The following MARK2 variants were observed in gnomAD, a reference collection of about 807,000 sequenced individuals.
The protein encoded by MARK2 is serine/threonine-protein kinase MARK2.
In MARK2, 16 loss-of-function variants were observed where a neutral mutation model predicts 89.8. The ratio of observed to expected loss-of-function variants is 0.18; its 90% CI spans 0.12 to 0.27. MARK2 has a LOEUF of 0.27. MARK2 is among the 10% of genes least tolerant of loss of function. The pLI is 1.00. For synonymous variants in MARK2, 382 were observed against 399.5 expected (o/e 0.96, Z 0.52); for missense variants, 621 against 1,049.9 (o/e 0.59, Z 5.65).
chr11:63,871,230 G>A (rs1938428126), intron 1 of MARK2, among the ~76,000 whole-genome samples: 2 of 152,324 alleles, frequency 1.3e-5, no homozygotes, highest in Middle Eastern at 3.4e-3. Context: ...TGAGATGAGT[G>A]TTGGTGCTCC....
chr11:63,859,660 C>T (rs1321865303), intron 1 of MARK2, among the ~76,000 whole-genome samples: 1 of 151,614 alleles, frequency 6.6e-6, no homozygotes, highest in Non-Finnish European at 1.5e-5. Context: ...GAGACAGAGT[C>T]CCACTCTGTC....
At chr11:63,840,731 A>C (rs3850943) in intron 1 of MARK2, among the ~76,000 whole-genome samples, 89,625 of 151,968 alleles carry the variant, frequency 0.59, 27,502 homozygotes, top group East Asian at 0.89. Context: ...GTGTATCCCC[A>C]CACCGTGCTT....
intron 1 of MARK2, among the ~76,000 whole-genome samples, chr11:63,883,273 A>G (rs1298171862): frequency 6.6e-6 from 1 of 152,186 alleles, no homozygotes; most frequent in Non-Finnish European, 1.5e-5. Context: ...GCACCATGTC[A>G]TTCAGCTACT....
In MARK2 at chr11:63,900,120, A is replaced by C; in HGVS notation, c.768+10A>C. Reference sequence around the variant, plus strand: ...TGGACAGAACCTCAAGGTGGAGTGAAGTGCAAGCTTTTTATTGCTTCTCAT... The same window carrying C: ...TGGACAGAACCTCAAGGTGGAGTGACGTGCAAGCTTTTTATTGCTTCTCAT... On this transcript the variant is annotated intron_variant, in intron 8 of 18. Transcript: ENST00000402010. The surrounding 1 kb of genome is among the most constrained non-coding windows in gnomAD (Gnocchi z 4.7). The C allele has an allele frequency of 6.3e-7, 1 of 1,588,970 alleles. No homozygotes were observed. The highest frequency in any genetic ancestry group is 8.6e-7 in the Non-Finnish European group (1 of 1,157,166).
Position 63,898,840 on chromosome 11 carries a change from G to A in MARK2, c.474+7G>A. The A allele has an allele frequency of 6.2e-7, 1 of 1,612,766 alleles. No homozygotes were observed. On this transcript the variant is annotated splice_region_variant and intron_variant, in intron 6 of 18. Transcript: ENST00000402010. ...TCGAGCCAAATTCCGCCAGGTAGGT[G>A]TGACTCCCTCCATAGGAGCTAGGCC... is the stretch of plus-strand genomic sequence containing the variant.
Position 63,890,137 on chromosome 11 carries a change from T to C in MARK2, c.55-5022T>C. 9 of 814,946 alleles carry C rather than the reference T, an allele frequency of 1.1e-5. No homozygotes were observed. The South Asian group carries it at 1.2e-4, about 11-fold the overall frequency. 50.5% of individuals were successfully genotyped at this position (814,946 alleles called of 1,614,324 possible). A position where few individuals can be genotyped will look rare whatever the true frequency, so the allele number is the denominator to read the frequency against. ...GAAGAAGCTAGGTGAGGAAGTTGCC[T>C]CACTTGGGGCCTTGGCCCAAGAAGC... On this transcript the variant is annotated intron_variant, in intron 1 of 18. Coordinates refer to ENST00000402010, the MANE Select transcript of MARK2 (RefSeq NM_001039469.3).
rs765006780 is a variant in MARK2, at chr11:63,904,761, CT to C, written c.1677-24del. 1.4e-4 allele frequency: 227 copies of C among 1,609,260 alleles called. No homozygotes were observed. The Middle Eastern group carries it at 1.5e-3, about 10-fold the overall frequency. ...CTGTCCTGTACCCTAATTCGTCCCC[CT>C]CAACCCCACTTCTCTTCCCACAGCA... On this transcript the variant is annotated intron_variant, in intron 15 of 18. Coordinates refer to ENST00000402010, the MANE Select transcript of MARK2 (RefSeq NM_001039469.3). This position sits in a 1 kb window ranked among gnomAD's most constrained non-coding sequence, Gnocchi z 6.3.
intron 17 of MARK2, among the ~76,000 whole-genome samples, chr11:63,906,449 T>C (rs1941341172): frequency 1.3e-5 from 2 of 152,048 alleles, no homozygotes; most frequent in African/African-American, 4.8e-5. Flanking sequence ...CAGGGAAGCC[T>C]CCCTTTAAGA....
At chr11:63,908,227 A>G (rs1941504716) in intron 17 of MARK2, 33 bp from the exon 18 acceptor site, 2 of 1,546,724 alleles carry the variant, frequency 1.3e-6, no homozygotes, top group African/African-American at 1.4e-5. Flanking sequence ...GAGAGATCCC[A>G]GCACTAAACT....
chr11:63,855,417 A>G (rs767430827), intron 1 of MARK2, among the ~76,000 whole-genome samples: 2 of 136,574 alleles, frequency 1.5e-5, no homozygotes, highest in South Asian at 2.5e-4. Flanking sequence ...CTAACCACTC[A>G]GGAGGCTGAG....
intron 1 of MARK2, among the ~76,000 whole-genome samples, chr11:63,842,538 A>T (rs2016073026): frequency 6.6e-6 from 1 of 152,112 alleles, no homozygotes; most frequent in Non-Finnish European, 1.5e-5. Context: ...GGGAAAAAAG[A>T]CAAGCAGCAG....
intron 1 of MARK2, among the ~76,000 whole-genome samples, chr11:63,865,051 G>A (rs1177241534): frequency 6.6e-6 from 1 of 151,504 alleles, no homozygotes; most frequent in Non-Finnish European, 1.5e-5. Context: ...CACTATGCCT[G>A]GCTAATTTTT....
chr11:63,900,851 C>T lies in MARK2; in HGVS notation c.960C>T (p.Leu320=), dbSNP rs747472264. The T allele has an allele frequency of 6.2e-7, 1 of 1,614,154 alleles. No homozygotes were observed. Among genetic ancestry groups the T allele is most frequent in the African/African-American group, 1.3e-5 (1 of 75,034 alleles). The stretch of plus-strand genomic sequence containing the variant: ...AACTAAAGCCTTACGTGGAGCCACT[C>T]CCTGACTACAAGGACCCCCGGCGGA... ...DDELKPYVEP[L]PDYKDPRRTE... is the part of the protein sequence containing the mutation. The change falls in exon 10 of 19, where the codon CTC becomes CTT. Residue 320 remains leucine, a synonymous_variant. Coordinates refer to ENST00000402010, the MANE Select transcript of MARK2 (RefSeq NM_001039469.3). The surrounding 1 kb of genome is among the most constrained non-coding windows in gnomAD (Gnocchi z 4.7).
chr11:63,902,585 C>T lies in MARK2; in HGVS notation c.1235-16C>T, dbSNP rs760987474. On this transcript the variant is annotated splice_polypyrimidine_tract_variant and intron_variant, in intron 12 of 18. Transcript: ENST00000402010. This position sits in a 1 kb window ranked among gnomAD's most constrained non-coding sequence, Gnocchi z 4.2. ...ACCCCTTGGCCTTACCCATTCCCAT[C>T]CTCCCTCTGGCCCAGCAGCTGGTCC... The T allele has an allele frequency of 8.7e-6, 14 of 1,610,898 alleles. No homozygotes were observed. The highest frequency in any genetic ancestry group is 6.7e-5 in the East Asian group (3 of 44,860).
At chr11:63,860,868 AAAAAC>A (rs1469199545) in intron 1 of MARK2, among the ~76,000 whole-genome samples, 3 of 152,072 alleles carry the variant, frequency 2.0e-5, no homozygotes, top group Non-Finnish European at 4.4e-5. Flanking sequence ...AATGAAAAAA[AAAAAC>A]AAAAACAAAA....
In MARK2 at chr11:63,845,874, C is replaced by T. The variant is rs549298016; in HGVS notation, c.54+6314C>T. Among the ~76,000 whole-genome samples, 55 of 152,176 alleles carry T rather than the reference C, an allele frequency of 3.6e-4. 1 individual carries two copies. In the South Asian group the frequency reaches 0.011, roughly 31 times the overall value. On this transcript the variant is annotated intron_variant, in intron 1 of 18. Transcript: ENST00000402010. The stretch of plus-strand genomic sequence containing the variant: ...AATAACCAGGATTACAGGTGCGCAC[C>T]TCCATGCCTGGCCACTTTTTGTATT...
chr11:63,874,940 G>C (rs1938656310), intron 1 of MARK2, among the ~76,000 whole-genome samples: 1 of 152,110 alleles, frequency 6.6e-6, no homozygotes, highest in African/African-American at 2.4e-5. Flanking sequence ...GCTGTGAGAA[G>C]AGGATAATTT....
intron 1 of MARK2, chr11:63,888,618 C>G (rs550250904): frequency 8.7e-7 from 1 of 1,145,972 alleles, no homozygotes; most frequent in Admixed American, 4.1e-5. Flanking sequence ...GAATTGCACG[C>G]GCTTCCTGAC....
At chr11:63,846,692 G>A (rs995291572) in intron 1 of MARK2, among the ~76,000 whole-genome samples, 1 of 144,564 alleles carries the variant, frequency 6.9e-6, no homozygotes, top group African/African-American at 2.6e-5. Context: ...GTCTTGCCCT[G>A]TCGCCCAGGC....
Sources: allele counts gnomAD v4.1 joint callset (sites outside exome capture counted in the v4.1 genomes callset), GRCh38; gene constraint gnomAD v4.1.1; non-coding constraint Gnocchi (gnomAD v3.1); transcripts MANE v1.5; gene names NCBI Gene and HGNC (gene_info 2026-07-23, HGNC 2026-07-21).